KLF12: variants seen among roughly 807,000 people sequenced by gnomAD.
KLF12 encodes the protein KLF transcription factor 12.
KLF12 carries 9 observed loss-of-function variants against 37.8 expected under a neutral mutation model. The ratio of observed to expected loss-of-function variants is 0.24; its 90% CI spans 0.14 to 0.42. The LOEUF is 0.42. KLF12 is among the 10% of genes least tolerant of loss of function. The pLI is 1.00. For missense variants in KLF12, 411 were observed against 516.0 expected, an observed-to-expected ratio of 0.80 and a Z score of 1.97; for synonymous variants, 208 against 202.1, an observed-to-expected ratio of 1.03 and a Z score of -0.25.
chr13:73,767,154 T>C (rs1189689429), intron 5 of KLF12, among the ~76,000 whole-genome samples: 1 of 152,196 alleles, frequency 6.6e-6, no homozygotes, highest in Non-Finnish European at 1.5e-5. Flanking sequence ...CAACCCCCTA[T>C]ATATTATTTC....
At chr13:73,769,906 C>T (rs1002147249) in intron 5 of KLF12, among the ~76,000 whole-genome samples, 1 of 152,068 alleles carries the variant, frequency 6.6e-6, no homozygotes, top group Non-Finnish European at 1.5e-5. Flanking sequence ...TCTTGTAGGA[C>T]ATTACTCATC....
At chr13:74,280,818 CT>C in the KLF12 span, among the ~76,000 whole-genome samples, 1 of 124,002 alleles carries the variant, frequency 8.1e-6, no homozygotes, top group Non-Finnish European at 1.6e-5. Flanking sequence ...TCTTTTTTTT[CT>C]TTTTTCTTTT....
chr13:74,118,519 A>G (rs1411740198), intron 1 of KLF12, among the ~76,000 whole-genome samples: 3 of 152,220 alleles, frequency 2.0e-5, no homozygotes. Flanking sequence ...GTGACTTTCC[A>G]TACATTATGT....
chr13:74,182,408 A>T, the KLF12 span, among the ~76,000 whole-genome samples: 4 of 152,190 alleles, frequency 2.6e-5, no homozygotes, highest in Admixed American at 2.6e-4. Context: ...TGATTGCAGC[A>T]TTGGAAGACT....
At chr13:73,751,031 A>G (rs1455937993) in intron 6 of KLF12, among the ~76,000 whole-genome samples, 3 of 152,212 alleles carry the variant, frequency 2.0e-5, no homozygotes, top group Non-Finnish European at 2.9e-5. Context: ...TTTGCATTTT[A>G]TAATAATCAC....
At chr13:74,135,746 G>A (rs1046855469), upstream of KLF12, among the ~76,000 whole-genome samples, 2 of 152,182 alleles carry the variant, frequency 1.3e-5, no homozygotes, top group Non-Finnish European at 2.9e-5. Flanking sequence ...CCAGGGCTGT[G>A]GGAAGGCCGG....
chr13:73,700,204 T>C (rs113303962), intron 7 of KLF12, among the ~76,000 whole-genome samples: 7,655 of 151,910 alleles, frequency 0.05, 250 homozygotes, highest in Middle Eastern at 0.099. Context: ...GAGGTGGAGG[T>C]TGCAGTGAGC....
At chr13:73,748,139 C>G (rs1205983128) in intron 6 of KLF12, among the ~76,000 whole-genome samples, 2 of 152,162 alleles carry the variant, frequency 1.3e-5, no homozygotes, top group East Asian at 1.9e-4. Flanking sequence ...CCAATATAAC[C>G]AGGCACACCT....
At chr13:73,763,823 G>T (rs1879723859) in intron 6 of KLF12, among the ~76,000 whole-genome samples, 1 of 152,076 alleles carries the variant, frequency 6.6e-6, no homozygotes, top group South Asian at 2.1e-4. Flanking sequence ...TTTAGCAATG[G>T]TAAGAGACGA....
chr13:74,189,610 A>C, the KLF12 span, among the ~76,000 whole-genome samples: 1 of 152,184 alleles, frequency 6.6e-6, no homozygotes, highest in East Asian at 1.9e-4. Flanking sequence ...AGAGGTATGA[A>C]AGCGTGGAAG....
intron 6 of KLF12, among the ~76,000 whole-genome samples, chr13:73,744,792 T>C (rs1878249905): frequency 6.6e-6 from 1 of 152,156 alleles, no homozygotes; most frequent in African/African-American, 2.4e-5. Context: ...AGGTGACGTA[T>C]GCATGTCTAC....
chr13:73,755,926 T>C (rs990638056), intron 6 of KLF12, among the ~76,000 whole-genome samples: 1 of 152,180 alleles, frequency 6.6e-6, no homozygotes, highest in Non-Finnish European at 1.5e-5. Context: ...GCAAATGCTA[T>C]TGTTTCATTC....
intron 3 of KLF12, among the ~76,000 whole-genome samples, chr13:73,871,979 G>A (rs1193965199): frequency 6.6e-6 from 1 of 152,186 alleles, no homozygotes; most frequent in East Asian, 1.9e-4. Flanking sequence ...AGACTAGAAT[G>A]TTGTTTTTGT....
At chr13:73,952,361 G>C (rs1890677736) in intron 2 of KLF12, among the ~76,000 whole-genome samples, 1 of 152,150 alleles carries the variant, frequency 6.6e-6, no homozygotes, top group South Asian at 2.1e-4. Flanking sequence ...TTACATGGCT[G>C]GAGCAGAGGA....
At chr13:74,041,017 G>C (rs1893387213) in intron 1 of KLF12, among the ~76,000 whole-genome samples, 1 of 152,042 alleles carries the variant, frequency 6.6e-6, no homozygotes, top group African/African-American at 2.4e-5. Context: ...AGTTGTCTAG[G>C]GTGACAATAA....
chr13:74,116,990 C>A (rs1247140877), intron 1 of KLF12, among the ~76,000 whole-genome samples: 1 of 152,058 alleles, frequency 6.6e-6, no homozygotes, highest in Non-Finnish European at 1.5e-5. Flanking sequence ...CTACTCTTAT[C>A]GCAACATAAG....
At chr13:74,217,455 G>A in the KLF12 span, among the ~76,000 whole-genome samples, 765 of 152,188 alleles carry the variant, frequency 5.0e-3, 8 homozygotes, top group African/African-American at 0.017. Flanking sequence ...CAGGCTGGGC[G>A]CGGTGGCTCA....
upstream of KLF12, among the ~76,000 whole-genome samples, chr13:74,135,133 G>C (rs1878498299): frequency 6.6e-6 from 1 of 151,960 alleles, no homozygotes; most frequent in African/African-American, 2.4e-5. Context: ...CACGTTGCGG[G>C]CGAAGCGGGG....
chr13:74,184,473 C>T, the KLF12 span, among the ~76,000 whole-genome samples: 1 of 152,080 alleles, frequency 6.6e-6, no homozygotes, highest in African/African-American at 2.4e-5. Flanking sequence ...TGACCAACTC[C>T]CAAGGATGCA....
Sources: allele counts gnomAD v4.1 joint callset (sites outside exome capture counted in the v4.1 genomes callset), GRCh38; gene constraint gnomAD v4.1.1; transcripts MANE v1.5; gene names NCBI Gene and HGNC (gene_info 2026-07-23, HGNC 2026-07-21).